Variants in SNCAIP observed in about 807,000 individuals in gnomAD.
SNCAIP encodes the protein synphilin-1.
In SNCAIP, 43 loss-of-function variants were observed where a neutral mutation model predicts 86.7. That is an observed-to-expected ratio of 0.50 (90% confidence interval 0.39 to 0.64). The LOEUF (loss-of-function observed/expected upper bound fraction) is 0.64, where lower values mean the gene tolerates loss of function less well. Ranked by LOEUF, SNCAIP falls within the 30% of genes least tolerant of loss-of-function variation. SNCAIP has a pLI of 0.00. For missense variants in SNCAIP, 981 were observed against 1,103.1 expected (o/e 0.89, Z 1.57); for synonymous variants, 417 against 427.2 (o/e 0.98, Z 0.29).
intron 1 of SNCAIP, among the ~76,000 whole-genome samples, chr5:122,374,149 G>C (rs1310889502): frequency 6.6e-6 from 1 of 152,116 alleles, no homozygotes; most frequent in Admixed American, 6.6e-5. Flanking sequence ...CCTCCTTTCA[G>C]AGAGAAAGAA....
intron 8 of SNCAIP, among the ~76,000 whole-genome samples, chr5:122,445,645 T>TACACACACACACACAC (rs55968414): frequency 7.0e-6 from 1 of 143,098 alleles, no homozygotes; most frequent in Admixed American, 7.0e-5. Flanking sequence ...CTTTAAGTTT[T>TACACACACACACACAC]ACACACACAC....
chr5:122,407,770 AG>A, intron 3 of SNCAIP, among the ~76,000 whole-genome samples: 1 of 152,340 alleles, frequency 6.6e-6, no homozygotes, highest in East Asian at 1.9e-4. Context: ...GTTTTCTAAA[AG>A]GCAAAAAAGA....
At chr5:122,414,189 C>G (rs1774771188) in intron 3 of SNCAIP, among the ~76,000 whole-genome samples, 1 of 151,878 alleles carries the variant, frequency 6.6e-6, no homozygotes, top group African/African-American at 2.4e-5. Flanking sequence ...GATGACAGGT[C>G]TGAGCCAGTG....
At chr5:122,383,250 G>A (rs541069737) in intron 1 of SNCAIP, among the ~76,000 whole-genome samples, 32 of 152,342 alleles carry the variant, frequency 2.1e-4, no homozygotes, top group African/African-American at 4.8e-4. Context: ...GTGATGCGCC[G>A]TTTTTTAAGC....
At chr5:122,395,259 A>G (rs1381228973) in intron 2 of SNCAIP, among the ~76,000 whole-genome samples, 7 of 152,194 alleles carry the variant, frequency 4.6e-5, no homozygotes, top group Non-Finnish European at 1.0e-4. Flanking sequence ...ATACACTCAC[A>G]CATGCACACA....
chr5:122,342,592 A>G (rs1184686073), intron 1 of SNCAIP, among the ~76,000 whole-genome samples: 7 of 152,184 alleles, frequency 4.6e-5, no homozygotes, highest in Non-Finnish European at 1.0e-4. Flanking sequence ...GCAACTTTTA[A>G]TGACCATTAT....
chr5:122,410,081 A>G (rs563582499), intron 3 of SNCAIP, among the ~76,000 whole-genome samples: 1 of 152,370 alleles, frequency 6.6e-6, no homozygotes, highest in African/African-American at 2.4e-5. Flanking sequence ...GTAAAAATTT[A>G]CAGATAAGAC....
intron 2 of SNCAIP, among the ~76,000 whole-genome samples, chr5:122,397,511 T>A (rs534697376): frequency 2.6e-5 from 4 of 152,022 alleles, no homozygotes; most frequent in Admixed American, 1.3e-4. Flanking sequence ...TAAAAGAATT[T>A]AAAAAAAACT....
At position 122,458,469 on chromosome 5, in the gene SNCAIP, T is replaced by G. The variant is rs779830535; in HGVS notation, c.2755-5022T>G. ...CACGTCTGCCACCACTAGAGGCATC[T>G]TTGTACTTTAAAAGAACAGAGCCTG... On this transcript the variant is annotated intron_variant, in intron 10 of 10. Coordinates refer to ENST00000261368, the MANE Select transcript of SNCAIP (RefSeq NM_005460.4). Among the ~76,000 whole-genome samples, 2 of 152,156 alleles carry G rather than the reference T, an allele frequency of 1.3e-5. 1 individual carries two copies. Among genetic ancestry groups the G allele is most frequent in the Non-Finnish European group, 2.9e-5 (2 of 68,026 alleles).
intron 3 of SNCAIP, among the ~76,000 whole-genome samples, chr5:122,413,040 G>A (rs1340994821): frequency 6.6e-6 from 1 of 152,222 alleles, no homozygotes; most frequent in Non-Finnish European, 1.5e-5. Context: ...ATTAGGTCAA[G>A]AGGATGGAGC....
chr5:122,396,761 T>C (rs1347663814), intron 2 of SNCAIP, among the ~76,000 whole-genome samples: 1 of 152,158 alleles, frequency 6.6e-6, no homozygotes, highest in African/African-American at 2.4e-5. Flanking sequence ...ACTCCATTCT[T>C]GGCAGTGAGT....
At chr5:122,384,243 G>A (rs1460871207) in intron 1 of SNCAIP, among the ~76,000 whole-genome samples, 3 of 152,162 alleles carry the variant, frequency 2.0e-5, no homozygotes, top group African/African-American at 7.2e-5. Context: ...ACTTAGTAGT[G>A]CATAACCTTG....
chr5:122,390,346 A>G (rs1050378599), intron 1 of SNCAIP, among the ~76,000 whole-genome samples: 4 of 152,090 alleles, frequency 2.6e-5, no homozygotes, highest in Non-Finnish European at 4.4e-5. Flanking sequence ...TGATGGGAAA[A>G]TGAAGTGGGA....
intron 1 of SNCAIP, among the ~76,000 whole-genome samples, chr5:122,367,113 G>T (rs1763341284): frequency 6.6e-6 from 1 of 152,018 alleles, no homozygotes; most frequent in Non-Finnish European, 1.5e-5. Context: ...GTAAGGTTAA[G>T]TTTGAGTTGG....
At chr5:122,374,852 T>A (rs948631461) in intron 1 of SNCAIP, among the ~76,000 whole-genome samples, 4 of 152,164 alleles carry the variant, frequency 2.6e-5, no homozygotes, top group Admixed American at 2.0e-4. Flanking sequence ...TAGCTGAATT[T>A]TAAAGGTACA....
intron 3 of SNCAIP, among the ~76,000 whole-genome samples, chr5:122,408,979 T>G (rs1427528944): frequency 6.6e-6 from 1 of 152,134 alleles, no homozygotes; most frequent in Non-Finnish European, 1.5e-5. Flanking sequence ...CTCTACAGTC[T>G]CCAGACCCCC....
intron 2 of SNCAIP, among the ~76,000 whole-genome samples, chr5:122,397,558 A>G (rs1770880613): frequency 6.6e-6 from 1 of 152,198 alleles, no homozygotes; most frequent in Non-Finnish European, 1.5e-5. Flanking sequence ...AAGGTACCAG[A>G]GCAAAATTCA....
intron 10 of SNCAIP, among the ~76,000 whole-genome samples, chr5:122,453,174 G>T (rs1325681011): frequency 6.6e-6 from 1 of 152,094 alleles, no homozygotes; most frequent in East Asian, 1.9e-4. Flanking sequence ...TAGGTCTTAG[G>T]TCGCTAGTCT....
chr5:122,355,675 C>T (rs574049117), intron 1 of SNCAIP, among the ~76,000 whole-genome samples: 5 of 152,300 alleles, frequency 3.3e-5, no homozygotes, highest in Admixed American at 2.0e-4. Flanking sequence ...AATCTCCCCT[C>T]GCATGTTCAT....
Sources: allele counts gnomAD v4.1 joint callset (sites outside exome capture counted in the v4.1 genomes callset), GRCh38; gene constraint gnomAD v4.1.1; transcripts MANE v1.5; gene names NCBI Gene and HGNC (gene_info 2026-07-23, HGNC 2026-07-21).